XXYLT1: variants seen among roughly 807,000 people sequenced by gnomAD.
XXYLT1 encodes xyloside xylosyltransferase 1.
A neutral mutation model predicts 28.9 loss-of-function variants in XXYLT1; 20 were observed. The observed-to-expected ratio is 0.69, with a 90% CI of 0.49 to 1.00. The LOEUF is 1.00. Ranked by LOEUF, XXYLT1 falls within the 50% of genes least tolerant of loss-of-function variation. The probability of loss-of-function intolerance (pLI) is 0.00; values close to 1 mark genes in which losing one functional copy is unlikely to be tolerated. For synonymous variants in XXYLT1, 257 were observed against 253.8 expected (o/e 1.01, Z -0.12); for missense variants, 542 against 560.1 (o/e 0.97, Z 0.33).
At chr3:195,114,640 G>A (rs1383458915) in intron 3 of XXYLT1, among the ~76,000 whole-genome samples, 1 of 152,120 alleles carries the variant, frequency 6.6e-6, no homozygotes, top group Non-Finnish European at 1.5e-5. Flanking sequence ...GTTTAATTAC[G>A]AAGACCAGGA....
chr3:195,201,935 T>C (rs941427366), intron 2 of XXYLT1, among the ~76,000 whole-genome samples: 2 of 152,118 alleles, frequency 1.3e-5, no homozygotes, highest in Non-Finnish European at 2.9e-5. Context: ...TCTCAGCACT[T>C]TGGGAGGCCA....
chr3:195,230,103 T>A (rs775025013), intron 1 of XXYLT1, among the ~76,000 whole-genome samples: 2 of 152,236 alleles, frequency 1.3e-5, no homozygotes, highest in African/African-American at 4.8e-5. Flanking sequence ...TATCTCATTG[T>A]AGGTTTGATT....
At chr3:195,246,577 A>G (rs774360185) in intron 1 of XXYLT1, among the ~76,000 whole-genome samples, 12 of 152,212 alleles carry the variant, frequency 7.9e-5, no homozygotes, top group Non-Finnish European at 1.5e-4. Flanking sequence ...GACTCAGGGG[A>G]AAAATGAGAG....
At chr3:195,087,587 A>C (rs1339398016) in intron 3 of XXYLT1, among the ~76,000 whole-genome samples, 3 of 152,266 alleles carry the variant, frequency 2.0e-5, no homozygotes, top group Non-Finnish European at 4.4e-5. Flanking sequence ...GGGCTTACCC[A>C]GAACAGCCAA....
chr3:195,185,511 T>G (rs535159431), intron 2 of XXYLT1, among the ~76,000 whole-genome samples: 5 of 151,538 alleles, frequency 3.3e-5, no homozygotes, highest in Non-Finnish European at 5.9e-5. Flanking sequence ...GGGTTTTTTT[T>G]TTTTTTTTTT....
At chr3:195,143,843 GATATATAT>G (rs72344936) in intron 3 of XXYLT1, among the ~76,000 whole-genome samples, 5 of 89,406 alleles carry the variant, frequency 5.6e-5, no homozygotes, top group South Asian at 4.6e-4. Flanking sequence ...TATAGATATA[GATATATAT>G]ATAGATATAT....
At chr3:195,191,768 A>T (rs1272691806) in intron 2 of XXYLT1, among the ~76,000 whole-genome samples, 1 of 152,260 alleles carries the variant, frequency 6.6e-6, no homozygotes, top group East Asian at 1.9e-4. Flanking sequence ...ATCATTAGAG[A>T]GAGACATTTT....
chr3:195,110,768 G>GGT (rs765081632), intron 3 of XXYLT1, among the ~76,000 whole-genome samples: 1 of 6,878 alleles, frequency 1.5e-4, no homozygotes. Context: ...AAGTGTGTGT[G>GGT]GTGTGTGTGT....
chr3:195,267,473 T>C (rs753142292), intron 1 of XXYLT1, among the ~76,000 whole-genome samples: 17 of 152,240 alleles, frequency 1.1e-4, no homozygotes, highest in Admixed American at 3.9e-4. Context: ...TCATGCTATA[T>C]ACTCCAAATC....
chr3:195,266,414 A>G (rs769661586), intron 1 of XXYLT1, among the ~76,000 whole-genome samples: 12 of 152,060 alleles, frequency 7.9e-5, no homozygotes, highest in Non-Finnish European at 1.5e-4. Flanking sequence ...GAATCGCTTG[A>G]ACCCGGGAGG....
chr3:195,221,744 G>T (rs1185019641), intron 2 of XXYLT1, among the ~76,000 whole-genome samples: 1 of 148,126 alleles, frequency 6.8e-6, no homozygotes, highest in Non-Finnish European at 1.5e-5. Context: ...GGCAAAAAAT[G>T]TTTTTTTTTT....
chr3:195,207,056 G>A (rs1036846453), intron 2 of XXYLT1, among the ~76,000 whole-genome samples: 13 of 152,178 alleles, frequency 8.5e-5, no homozygotes, highest in African/African-American at 2.9e-4. Flanking sequence ...AGAGAAACAA[G>A]GCTTTAACCT....
rs1040511066 is a variant in XXYLT1, at chr3:195,078,313, C to T, written c.786-8202G>A. Reference sequence around the variant, plus strand: ...GAAGAGGAGCCAGGAAGATGCAGGGCGTTGGAGGACCCCGGCCACCTGTCC... The same window carrying T: ...GAAGAGGAGCCAGGAAGATGCAGGGTGTTGGAGGACCCCGGCCACCTGTCC... On this transcript the variant is annotated intron_variant, in intron 3 of 3. Coordinates refer to ENST00000310380, the MANE Select transcript of XXYLT1 (RefSeq NM_152531.5). The surrounding 1 kb of genome is among the most constrained non-coding windows in gnomAD (Gnocchi z 5.0). 2.0e-5 allele frequency among the ~76,000 whole-genome samples: 3 copies of T among 152,038 alleles called. No individual in the cohort carries two copies. The highest frequency in any genetic ancestry group is 2.9e-5 in the Non-Finnish European group (2 of 67,998).
In XXYLT1 at chr3:195,103,385, C is replaced by T. The variant is rs865821661; in HGVS notation, c.786-33274G>A. The stretch of plus-strand genomic sequence containing the variant: ...ACGCCAGCGGCCTGCGTCCATCACC[C>T]CACGCCAGCGGCCTGCGTCCATCAC... On this transcript the variant is annotated intron_variant, in intron 3 of 3. Transcript: ENST00000310380. Among the ~76,000 whole-genome samples the T allele has an allele frequency of 3.7e-3, 534 of 145,590 alleles. 5 individuals are homozygous for T. Among genetic ancestry groups the T allele is most frequent in the African/African-American group, 0.013 (495 of 39,360 alleles).
At chr3:195,149,218 C>T (rs1217253601) in intron 3 of XXYLT1, among the ~76,000 whole-genome samples, 6 of 152,160 alleles carry the variant, frequency 3.9e-5, no homozygotes, top group Admixed American at 6.5e-5. Context: ...TATACACACA[C>T]ACACCCCCTG....
chr3:195,242,265 A>G (rs1406702512), intron 1 of XXYLT1, among the ~76,000 whole-genome samples: 3 of 152,066 alleles, frequency 2.0e-5, no homozygotes, highest in Non-Finnish European at 4.4e-5. Context: ...CCTCACCCAA[A>G]GAGAGAGATT....
At chr3:195,225,459 C>T (rs968232931) in intron 2 of XXYLT1, among the ~76,000 whole-genome samples, 1 of 152,204 alleles carries the variant, frequency 6.6e-6, no homozygotes, top group Non-Finnish European at 1.5e-5. Flanking sequence ...TTCTTTTTCA[C>T]TTCTGGTCTG....
intron 1 of XXYLT1, among the ~76,000 whole-genome samples, chr3:195,246,913 C>T (rs1725047057): frequency 6.6e-6 from 1 of 152,240 alleles, no homozygotes; most frequent in South Asian, 2.1e-4. Flanking sequence ...CTCCAGCCTC[C>T]TGGTCCCAAT....
chr3:195,117,614 G>C (rs1457680461), intron 3 of XXYLT1, among the ~76,000 whole-genome samples: 1 of 146,736 alleles, frequency 6.8e-6, no homozygotes, highest in Admixed American at 7.0e-5. Flanking sequence ...GGTCGGGGTA[G>C]CGTGGAAACA....
Sources: allele counts gnomAD v4.1 joint callset (sites outside exome capture counted in the v4.1 genomes callset), GRCh38; gene constraint gnomAD v4.1.1; non-coding constraint Gnocchi (gnomAD v3.1); transcripts MANE v1.5; gene names NCBI Gene and HGNC (gene_info 2026-07-23, HGNC 2026-07-21).